Variants in STK32A observed in about 807,000 individuals in gnomAD.
The protein encoded by STK32A is serine/threonine-protein kinase 32A.
A neutral mutation model predicts 53.2 loss-of-function variants in STK32A; 41 were observed. The ratio of observed to expected loss-of-function variants is 0.77; its 90% confidence interval spans 0.60 to 1.00. The LOEUF is 1.00. STK32A is among the 50% of genes least tolerant of loss of function. The probability of loss-of-function intolerance (pLI) is 0.00; values close to 1 mark genes in which losing one functional copy is unlikely to be tolerated. For missense variants in STK32A, 458 were observed against 485.8 expected, an observed-to-expected ratio of 0.94 and a Z score of 0.54; for synonymous variants, 166 against 162.8, an observed-to-expected ratio of 1.02 and a Z score of -0.15.
intron 4 of STK32A, among the ~76,000 whole-genome samples, chr5:147,313,280 A>G (rs767576788): frequency 6.6e-6 from 1 of 152,142 alleles, no homozygotes. Context: ...AGATAGATGC[A>G]TAGAGTTTTT....
chr5:147,322,211 TC>T (rs1754357072), intron 4 of STK32A, among the ~76,000 whole-genome samples: 1 of 152,154 alleles, frequency 6.6e-6, no homozygotes, highest in Non-Finnish European at 1.5e-5. Flanking sequence ...GAATAGTATC[TC>T]CCAAAAGGCA....
At chr5:147,292,452 T>G (rs1752640632) in intron 4 of STK32A, among the ~76,000 whole-genome samples, 1 of 152,212 alleles carries the variant, frequency 6.6e-6, no homozygotes, top group Non-Finnish European at 1.5e-5. Context: ...GTTTCAATTT[T>G]GCTCATAAAA....
At chr5:147,323,469 G>A (rs1754416623) in intron 4 of STK32A, among the ~76,000 whole-genome samples, 1 of 152,140 alleles carries the variant, frequency 6.6e-6, no homozygotes, top group South Asian at 2.1e-4. Flanking sequence ...GATGTTGTTA[G>A]TATAGAAAAA....
intron 4 of STK32A, among the ~76,000 whole-genome samples, chr5:147,281,902 C>G (rs942073106): frequency 2.6e-5 from 4 of 152,284 alleles, no homozygotes; most frequent in African/African-American, 9.6e-5. Context: ...AGATTAACAG[C>G]AGATTTCTCA....
chr5:147,307,589 C>G (rs930113779), intron 4 of STK32A, among the ~76,000 whole-genome samples: 1 of 142,816 alleles, frequency 7.0e-6, no homozygotes, highest in Non-Finnish European at 1.5e-5. Context: ...GGCGCCAATG[C>G]ACTCCAGGTT....
intron 2 of STK32A, among the ~76,000 whole-genome samples, chr5:147,271,383 C>T (rs1223644656): frequency 6.6e-6 from 1 of 151,922 alleles, no homozygotes; most frequent in Non-Finnish European, 1.5e-5. Flanking sequence ...TGCCTCAGGA[C>T]CCTGTGATGA....
intron 8 of STK32A, among the ~76,000 whole-genome samples, chr5:147,364,737 A>T (rs1016722958): frequency 1.3e-5 from 2 of 152,150 alleles, no homozygotes; most frequent in African/African-American, 4.8e-5. Context: ...TCTTTTTGTA[A>T]TAAGGCCACT....
At chr5:147,287,609 G>A (rs1408145500) in intron 4 of STK32A, among the ~76,000 whole-genome samples, 1 of 152,086 alleles carries the variant, frequency 6.6e-6, no homozygotes. Flanking sequence ...TGCACTACTC[G>A]GATATGGTAG....
rs1757661557 is a variant in STK32A, at chr5:147,386,877, G to A, written c.*2894G>A. On this transcript the variant is annotated 3_prime_UTR_variant, in exon 13 of 13. Transcript: ENST00000397936. ...TTTAAACTTTTCCTAAATCTTTGTG[G>A]TCATTGCTAGTTGTTGACATCAGAT... 6.6e-6 allele frequency: 1 copy of A among 152,148 alleles called. No individual in the cohort carries two copies. The highest frequency in any genetic ancestry group is 1.5e-5 in the Non-Finnish European group (1 of 68,030). 9.4% of individuals were successfully genotyped at this position (152,148 alleles called of 1,614,324 possible).
chr5:147,400,427 A>G, the STK32A span, among the ~76,000 whole-genome samples: 1 of 152,250 alleles, frequency 6.6e-6, no homozygotes, highest in East Asian at 1.9e-4. Context: ...CTATTCGTAC[A>G]CTCAGATGAA....
In STK32A at chr5:147,278,126, A is replaced by G. The variant is rs201341848; in HGVS notation, c.55A>G (p.Asn19Asp). Residue 19 changes from asparagine to aspartate, a missense_variant and splice_region_variant, in exon 3 of 13, where the codon AAC becomes GAC. Coordinates refer to ENST00000397936, the MANE Select transcript of STK32A (RefSeq NM_001112724.2). ...PPVFDENEDVNFDHFEILRAI... is the reference protein window; with the variant it reads ...PPVFDENEDVDFDHFEILRAI... The stretch of plus-strand genomic sequence containing the variant: ...TATTCTTCTTTTTTGTTTTACAGTC[A>G]ACTTTGACCACTTTGAAATTTTGCG... 5 of 1,592,348 alleles carry G rather than the reference A, an allele frequency of 3.1e-6. No individual in the cohort carries two copies. In the Admixed American group the frequency reaches 8.8e-5, roughly 28 times the overall value.
At chr5:147,304,580 T>C (rs770187760) in intron 4 of STK32A, among the ~76,000 whole-genome samples, 1 of 152,090 alleles carries the variant, frequency 6.6e-6, no homozygotes, top group South Asian at 2.1e-4. Context: ...GGAAAGAGAC[T>C]AGATGGAACA....
chr5:147,335,832 C>T (rs527925596), intron 5 of STK32A, among the ~76,000 whole-genome samples: 6 of 152,208 alleles, frequency 3.9e-5, no homozygotes, highest in East Asian at 3.9e-4. Context: ...CGCGTGTGTG[C>T]GCGCATGTGT....
At chr5:147,235,326 A>G (rs1399026040) in intron 1 of STK32A, 127 bp downstream of exon 1, 1 of 152,344 alleles carries the variant, frequency 6.6e-6, no homozygotes, top group Non-Finnish European at 1.5e-5. Context: ...TCACAAAACT[A>G]AATGCAGGCT....
At chr5:147,356,220 T>C (rs1450725976) in intron 7 of STK32A, among the ~76,000 whole-genome samples, 1 of 152,146 alleles carries the variant, frequency 6.6e-6, no homozygotes, top group Non-Finnish European at 1.5e-5. Context: ...GCCTGAGACA[T>C]GGACGATGAT....
At chr5:147,373,364 A>G (rs539123463) in intron 10 of STK32A, 70 bp downstream of exon 10, 3 of 1,575,856 alleles carry the variant, frequency 1.9e-6, no homozygotes, top group African/African-American at 1.3e-5. Flanking sequence ...AGATTCACAC[A>G]TTGTCTCATT....
chr5:147,285,057 A>G (rs1752264785), intron 4 of STK32A, among the ~76,000 whole-genome samples: 1 of 152,210 alleles, frequency 6.6e-6, no homozygotes, highest in Non-Finnish European at 1.5e-5. Context: ...AAATTATACC[A>G]TAAGCCCACA....
At chr5:147,397,102 ATATT>A in the STK32A span, among the ~76,000 whole-genome samples, 119 of 148,484 alleles carry the variant, frequency 8.0e-4, no homozygotes, top group Admixed American at 1.3e-3. Context: ...TTGTAAATAT[ATATT>A]TAATTTCTCT....
At chr5:147,397,457 T>C in the STK32A span, among the ~76,000 whole-genome samples, 23,987 of 152,218 alleles carry the variant, frequency 0.16, 2,035 homozygotes, top group African/African-American at 0.19. Context: ...AAAAGTCATT[T>C]GGGAAAAAAA....
Sources: allele counts gnomAD v4.1 joint callset (sites outside exome capture counted in the v4.1 genomes callset), GRCh38; gene constraint gnomAD v4.1.1; transcripts MANE v1.5; gene names NCBI Gene and HGNC (gene_info 2026-07-23, HGNC 2026-07-21).